Variants in PRKCH observed in about 807,000 individuals in gnomAD.
PRKCH encodes protein kinase C eta, also known as protein kinase C eta type.
In PRKCH, 28 loss-of-function variants were observed where a neutral mutation model predicts 82.5. The ratio of observed to expected loss-of-function variants is 0.34; its 90% confidence interval spans 0.25 to 0.47. The LOEUF is 0.47. Ranked by LOEUF, PRKCH falls within the 20% of genes least tolerant of loss-of-function variation. The probability of loss-of-function intolerance (pLI) is 1.00; values close to 1 mark genes in which losing one functional copy is unlikely to be tolerated. For synonymous variants in PRKCH, 322 were observed against 327.4 expected, an observed-to-expected ratio of 0.98 and a Z score of 0.18; for missense variants, 705 against 881.8, an observed-to-expected ratio of 0.80 and a Z score of 2.54.
chr14:61,314,410 G>A (rs1235494201), intron 1 of PRKCH, among the ~76,000 whole-genome samples: 1 of 152,142 alleles, frequency 6.6e-6, no homozygotes, highest in Non-Finnish European at 1.5e-5. Context: ...AGCCATAGAA[G>A]AGATTTGTAT....
intron 1 of PRKCH, among the ~76,000 whole-genome samples, chr14:61,292,815 T>G (rs2045375859): frequency 6.8e-6 from 1 of 146,978 alleles, no homozygotes; most frequent in African/African-American, 2.5e-5. Context: ...GTGTTGTGGC[T>G]TGCACCTATA....
chr14:61,254,455 A>C (rs4902040), intron 1 of PRKCH, among the ~76,000 whole-genome samples: 72,854 of 151,778 alleles, frequency 0.48, 20,822 homozygotes, highest in Non-Finnish European at 0.62. Context: ...CTCTACAAAA[A>C]AATGTTTTTA....
chr14:61,189,589 C>T lies in PRKCH; in HGVS notation c.-19+1921C>T, dbSNP rs76557557. ...GGGAGGCACATTTTCCTCTCCCCTC[C>T]GTCCCTCCCTCCTTCCCTTCCCTTC... On this transcript the variant is annotated intron_variant, in intron 1 of 3. Transcript: ENST00000555185. 4.6e-3 allele frequency among the ~76,000 whole-genome samples: 701 copies of T among 151,862 alleles called. 25 individuals carry two copies. The East Asian group carries it at 0.091, about 20-fold the overall frequency.
intron 7 of PRKCH, 113 bp downstream of exon 7, chr14:61,453,466 A>G (rs1457146527): frequency 8.8e-7 from 1 of 1,130,430 alleles, no homozygotes; most frequent in Admixed American, 3.2e-5. Flanking sequence ...AAATACAATA[A>G]ACAGACTTAT....
At chr14:61,379,304 A>G (rs979939389) in intron 1 of PRKCH, among the ~76,000 whole-genome samples, 1 of 152,080 alleles carries the variant, frequency 6.6e-6, no homozygotes, top group African/African-American at 2.4e-5. Flanking sequence ...CCTTCCCTCC[A>G]GAAGACCAAG....
At chr14:61,270,915 C>T (rs1456549490) in intron 1 of PRKCH, among the ~76,000 whole-genome samples, 5 of 152,116 alleles carry the variant, frequency 3.3e-5, no homozygotes, top group African/African-American at 4.8e-5. Context: ...TCAAGGCTGC[C>T]GTGAGCTGTG....
chr14:61,205,360 C>T (rs1800167023), intron 1 of PRKCH, among the ~76,000 whole-genome samples: 1 of 152,178 alleles, frequency 6.6e-6, no homozygotes, highest in Admixed American at 6.5e-5. Context: ...AGTTGAGATT[C>T]TGAAGGCAAT....
At chr14:61,311,608 C>G (rs2045524517) in intron 1 of PRKCH, among the ~76,000 whole-genome samples, 1 of 152,180 alleles carries the variant, frequency 6.6e-6, no homozygotes, top group South Asian at 2.1e-4. Context: ...ACAGCAGTGC[C>G]CCACTCTTGG....
At chr14:61,308,481 G>A (rs1159749577) in intron 1 of PRKCH, among the ~76,000 whole-genome samples, 1 of 151,992 alleles carries the variant, frequency 6.6e-6, no homozygotes, top group African/African-American at 2.4e-5. Context: ...TACTCAGTGT[G>A]GTTTTTATAT....
chr14:61,390,538 G>A (rs1446099399), intron 1 of PRKCH, among the ~76,000 whole-genome samples: 3 of 152,102 alleles, frequency 2.0e-5, no homozygotes, highest in Non-Finnish European at 4.4e-5. Flanking sequence ...CAGATGTGGT[G>A]GCACACGCCT....
At chr14:61,512,272 T>TTA (rs869084487) in intron 10 of PRKCH, among the ~76,000 whole-genome samples, 1 of 134,896 alleles carries the variant, frequency 7.4e-6, no homozygotes, top group African/African-American at 3.1e-5. Flanking sequence ...TTTTTTTTTT[T>TTA]AAAGCAGGGC....
At chr14:61,326,008 G>T (rs60834777) in intron 1 of PRKCH, among the ~76,000 whole-genome samples, 22,125 of 152,220 alleles carry the variant, frequency 0.15, 1,649 homozygotes, top group Admixed American at 0.19. Flanking sequence ...ATGCTATGGT[G>T]AGGAATGTAA....
chr14:61,462,413 G>A (rs1465993306), intron 9 of PRKCH, among the ~76,000 whole-genome samples: 1 of 152,172 alleles, frequency 6.6e-6, no homozygotes, highest in East Asian at 1.9e-4. Context: ...AAAAAAAGCA[G>A]CAAAGGAGAT....
intron 1 of PRKCH, among the ~76,000 whole-genome samples, chr14:61,365,750 C>T (rs985046678): frequency 3.3e-5 from 5 of 151,850 alleles, no homozygotes; most frequent in African/African-American, 7.3e-5. Context: ...GCAGAAGATA[C>T]GATTCTTGCC....
chr14:61,374,419 T>G (rs528927213), intron 1 of PRKCH, among the ~76,000 whole-genome samples: 1 of 152,058 alleles, frequency 6.6e-6, no homozygotes, highest in East Asian at 1.9e-4. Flanking sequence ...TGTGTGGGGG[T>G]TTCAGCCCCA....
chr14:61,340,679 A>T (rs2045920895), intron 1 of PRKCH, among the ~76,000 whole-genome samples: 1 of 152,158 alleles, frequency 6.6e-6, no homozygotes, highest in Non-Finnish European at 1.5e-5. Flanking sequence ...CAGGCCCGAT[A>T]TCAGGTCCAG....
intron 6 of PRKCH, chr14:61,452,697 A>AC (rs1172527324): frequency 6.3e-6 from 1 of 157,864 alleles, no homozygotes; most frequent in Non-Finnish European, 1.4e-5. Flanking sequence ...CTGTGCTGTG[A>AC]GGCCTGCCCA....
intron 2 of PRKCH, among the ~76,000 whole-genome samples, chr14:61,393,474 G>A (rs1476415501): frequency 6.6e-6 from 1 of 152,186 alleles, no homozygotes; most frequent in African/African-American, 2.4e-5. Flanking sequence ...TGAGGTTTCA[G>A]TAGAAATCCC....
At chr14:61,403,162 A>G (rs1277840749) in intron 2 of PRKCH, among the ~76,000 whole-genome samples, 1 of 152,186 alleles carries the variant, frequency 6.6e-6, no homozygotes, top group East Asian at 1.9e-4. Flanking sequence ...ACTAACATGT[A>G]ATGGAATTGT....
Sources: allele counts gnomAD v4.1 joint callset (sites outside exome capture counted in the v4.1 genomes callset), GRCh38; gene constraint gnomAD v4.1.1; transcripts MANE v1.5; gene names NCBI Gene and HGNC (gene_info 2026-07-23, HGNC 2026-07-21).